The following BMPR1B variants were observed in gnomAD, a reference collection of about 807,000 sequenced individuals.
BMPR1B encodes the protein bone morphogenetic protein receptor type-1B.
In BMPR1B, 12 loss-of-function variants were observed where a neutral mutation model predicts 59.1. The observed-to-expected ratio is 0.20, with a 90% CI of 0.13 to 0.33. BMPR1B has a LOEUF of 0.33. Ranked by LOEUF, BMPR1B falls within the 10% of genes least tolerant of loss-of-function variation. The pLI is 1.00. For missense variants in BMPR1B, 550 were observed against 610.9 expected (o/e 0.90, Z 1.05); for synonymous variants, 237 against 207.3 (o/e 1.14, Z -1.23).
At chr4:95,149,010 G>A (rs1335410345) in intron 11 of BMPR1B, 87 bp downstream of exon 11, 1 of 1,516,912 alleles carries the variant, frequency 6.6e-7, no homozygotes, top group Non-Finnish European at 9.1e-7. Flanking sequence ...TTATCATACT[G>A]TCTATAAGAT....
intron 3 of BMPR1B, among the ~76,000 whole-genome samples, chr4:95,000,504 C>CAAAA (rs34050471): frequency 0.24 from 35,195 of 149,488 alleles, 5,022 homozygotes; most frequent in African/African-American, 0.41. Flanking sequence ...GACTCCATAT[C>CAAAA]GAAAGAAAGA....
intron 2 of BMPR1B, among the ~76,000 whole-genome samples, chr4:94,931,612 G>C (rs1729093504): frequency 6.6e-6 from 1 of 151,826 alleles, no homozygotes; most frequent in African/African-American, 2.4e-5. Context: ...GTTTTGTTTT[G>C]TTTTCTTTTC....
At chr4:95,104,261 C>A in intron 3 of BMPR1B, 147 bp from the exon 4 acceptor site, 1 of 961,144 alleles carries the variant, frequency 1.0e-6, no homozygotes, top group Non-Finnish European at 1.5e-6. Context: ...TGATTTTAAT[C>A]AAAATACCAA....
chr4:94,871,224 A>C (rs1726481607), intron 1 of BMPR1B, among the ~76,000 whole-genome samples: 1 of 152,188 alleles, frequency 6.6e-6, no homozygotes, highest in Admixed American at 6.5e-5. Context: ...GCTGCTCTGC[A>C]TTCTGCTATA....
intron 2 of BMPR1B, among the ~76,000 whole-genome samples, chr4:94,987,196 AT>A (rs1721473696): frequency 7.2e-6 from 1 of 138,094 alleles, no homozygotes; most frequent in African/African-American, 2.6e-5. Context: ...ATAATATATC[AT>A]ATATATGTAA....
intron 1 of BMPR1B, among the ~76,000 whole-genome samples, chr4:94,845,674 C>T (rs1271590664): frequency 6.6e-6 from 1 of 152,196 alleles, no homozygotes; most frequent in Non-Finnish European, 1.5e-5. Flanking sequence ...AGAATGGTCA[C>T]TTTCAAAACT....
At chr4:94,821,358 TTAA>T (rs1309482180) in intron 1 of BMPR1B, among the ~76,000 whole-genome samples, 1 of 152,152 alleles carries the variant, frequency 6.6e-6, no homozygotes, top group Admixed American at 6.5e-5. Flanking sequence ...CAAAAAGTGT[TTAA>T]TAATATTAGC....
intron 10 of BMPR1B, among the ~76,000 whole-genome samples, chr4:95,142,295 C>T (rs985629740): frequency 3.9e-5 from 6 of 152,122 alleles, no homozygotes; most frequent in Non-Finnish European, 5.9e-5. Flanking sequence ...TCCATAGACT[C>T]TTGAGAATTT....
intron 3 of BMPR1B, among the ~76,000 whole-genome samples, chr4:95,026,574 T>G (rs1724429879): frequency 6.6e-6 from 1 of 152,116 alleles, no homozygotes; most frequent in African/African-American, 2.4e-5. Flanking sequence ...TAGATAAAAA[T>G]GGTAATTATG....
chr4:95,022,086 TAGATGGCG>T (rs1724029476), intron 3 of BMPR1B, among the ~76,000 whole-genome samples: 1 of 152,222 alleles, frequency 6.6e-6, no homozygotes, highest in Non-Finnish European at 1.5e-5. Context: ...GAAGACTCGT[TAGATGGCG>T]AGAGGCTTTG....
At chr4:94,827,958 A>G (rs1306675101) in intron 1 of BMPR1B, among the ~76,000 whole-genome samples, 2 of 152,198 alleles carry the variant, frequency 1.3e-5, no homozygotes, top group Non-Finnish European at 2.9e-5. Flanking sequence ...TAACCAACTC[A>G]TGCTAACACA....
At chr4:94,953,879 A>G (rs1730045262) in intron 2 of BMPR1B, among the ~76,000 whole-genome samples, 1 of 151,782 alleles carries the variant, frequency 6.6e-6, no homozygotes, top group Admixed American at 6.6e-5. Context: ...TCTCCACATC[A>G]CTTTCAGGTA....
At chr4:94,934,699 T>A (rs954525917) in intron 2 of BMPR1B, among the ~76,000 whole-genome samples, 3 of 152,144 alleles carry the variant, frequency 2.0e-5, no homozygotes, top group Admixed American at 6.6e-5. Flanking sequence ...AACTTTTGTG[T>A]GCTTTCTGTA....
intron 2 of BMPR1B, among the ~76,000 whole-genome samples, chr4:94,992,968 C>T (rs1459986720): frequency 1.3e-5 from 2 of 152,134 alleles, no homozygotes; most frequent in Non-Finnish European, 2.9e-5. Context: ...ACTGTAGCCT[C>T]GAATCCCTGA....
chr4:94,865,593 A>G (rs1726192177), intron 1 of BMPR1B, among the ~76,000 whole-genome samples: 1 of 150,996 alleles, frequency 6.6e-6, no homozygotes, highest in South Asian at 2.1e-4. Context: ...GGGTTTCACT[A>G]TATTGGCCAG....
At chr4:95,147,594 A>G (rs967759180) in intron 10 of BMPR1B, among the ~76,000 whole-genome samples, 4 of 152,316 alleles carry the variant, frequency 2.6e-5, no homozygotes, top group South Asian at 2.1e-4. Flanking sequence ...GTTGGGAATC[A>G]GGAGGTAGAA....
At chr4:94,912,034 G>A (rs1054647816) in intron 2 of BMPR1B, among the ~76,000 whole-genome samples, 5 of 152,108 alleles carry the variant, frequency 3.3e-5, no homozygotes, top group African/African-American at 1.2e-4. Context: ...CATGGTGGAA[G>A]GCAATGAAGA....
At chr4:94,764,085 T>C (rs767316819) in intron 1 of BMPR1B, among the ~76,000 whole-genome samples, 16 of 152,180 alleles carry the variant, frequency 1.1e-4, no homozygotes, top group Non-Finnish European at 2.2e-4. Flanking sequence ...TGTATCTGAA[T>C]ATTCTGTTTT....
chr4:95,020,148 T>C (rs1232159922), intron 3 of BMPR1B, among the ~76,000 whole-genome samples: 1 of 152,188 alleles, frequency 6.6e-6, no homozygotes, highest in Non-Finnish European at 1.5e-5. Context: ...AGAGACAATT[T>C]TGTCTCCCAG....
Sources: allele counts gnomAD v4.1 joint callset (sites outside exome capture counted in the v4.1 genomes callset), GRCh38; gene constraint gnomAD v4.1.1; transcripts MANE v1.5; gene names NCBI Gene and HGNC (gene_info 2026-07-23, HGNC 2026-07-21).